Variants in WWOX observed in about 807,000 individuals in gnomAD.
The protein encoded by WWOX is WW domain-containing oxidoreductase.
WWOX carries 69 observed loss-of-function variants against 46.2 expected under a neutral mutation model. The ratio of observed to expected loss-of-function variants is 1.49; its 90% CI spans 1.23 to 1.82. WWOX has a LOEUF of 1.82. WWOX is among the 40% of genes most tolerant of loss of function. The pLI, the probability that WWOX is intolerant of heterozygous loss-of-function variation, is 0.00. For missense variants in WWOX, 919 were observed against 542.6 expected (o/e 1.69, Z -6.89); for synonymous variants, 359 against 202.6 (o/e 1.77, Z -6.56).
intron 5 of WWOX, among the ~76,000 whole-genome samples, chr16:78,173,377 C>G (rs866776594): frequency 1.3e-5 from 2 of 152,100 alleles, no homozygotes; most frequent in Non-Finnish European, 2.9e-5. Context: ...CAACCTTGAC[C>G]TCCTGGGCTC....
rs1003426407 is a variant in WWOX at position 78,226,387 on chromosome 16, T to G, written c.516+62098T>G. ...GTATACTCTGGCAGAAAAACTTTAA[T>G]GATTTTTTTTTTCTGATGCTGCCTA... On this transcript the variant is annotated intron_variant, in intron 5 of 8. Transcript: ENST00000566780. Among the ~76,000 whole-genome samples, 4 of 151,946 alleles carry G rather than the reference T, an allele frequency of 2.6e-5. No homozygotes were observed. The East Asian group carries it at 7.7e-4, about 29-fold the overall frequency.
chr16:78,291,500 C>T (rs1343800356), intron 5 of WWOX, among the ~76,000 whole-genome samples: 3 of 152,190 alleles, frequency 2.0e-5, no homozygotes, highest in African/African-American at 7.2e-5. Context: ...TGCCATTCAG[C>T]AATCCAGGCA....
chr16:78,355,131 C>G (rs1567519748), intron 5 of WWOX, among the ~76,000 whole-genome samples: 3 of 151,576 alleles, frequency 2.0e-5, no homozygotes, highest in African/African-American at 4.9e-5. Context: ...GACTCTGTCT[C>G]AAAAGAAAAG....
intron 8 of WWOX, among the ~76,000 whole-genome samples, chr16:78,583,943 G>A (rs2045129032): frequency 6.6e-6 from 1 of 152,200 alleles, no homozygotes; most frequent in East Asian, 1.9e-4. Flanking sequence ...ATTGCTGAAG[G>A]TCCCCAGCCT....
rs139726251 is a variant in WWOX at position 78,169,972 on chromosome 16, A to G, written c.516+5683A>G. 6.6e-5 allele frequency among the ~76,000 whole-genome samples: 10 copies of G among 152,320 alleles called. No homozygotes were observed. The East Asian group carries it at 1.2e-3, about 18-fold the overall frequency. ...TGTGAAACATCAGCATCTGCTGGACATTGAGATGGCCACAGGTTGGTCAGA... is the reference window on the plus strand; with the variant it reads ...TGTGAAACATCAGCATCTGCTGGACGTTGAGATGGCCACAGGTTGGTCAGA... On this transcript the variant is annotated intron_variant, in intron 5 of 8. Coordinates refer to ENST00000566780, the MANE Select transcript of WWOX (RefSeq NM_016373.4).
In WWOX at chr16:78,238,705, T is replaced by TA. The variant is rs1237841538; in HGVS notation, c.516+74417dup. Among the ~76,000 whole-genome samples, 5 of 151,810 alleles carry TA rather than the reference T, an allele frequency of 3.3e-5. No homozygotes were observed. In the East Asian group the frequency reaches 7.8e-4, roughly 24 times the overall value. ...TGTGATCTTGGCTCGCCATGATCTC[T>TA]ACCTCCCAGGTTCAAGCGATTCTCC... On this transcript the variant is annotated intron_variant, in intron 5 of 8. Coordinates refer to ENST00000566780, the MANE Select transcript of WWOX (RefSeq NM_016373.4).
At chr16:79,176,615 T>A (rs1227232948) in intron 8 of WWOX, among the ~76,000 whole-genome samples, 3 of 152,206 alleles carry the variant, frequency 2.0e-5, no homozygotes, top group Non-Finnish European at 4.4e-5. Context: ...TAAACTGATG[T>A]CTGTGTGTCT....
rs763979011 is a variant in WWOX, at chr16:78,892,293, TAAA to T, written c.1057-319308_1057-319306del. On this transcript the variant is annotated intron_variant, in intron 8 of 8. Coordinates refer to ENST00000566780, the MANE Select transcript of WWOX (RefSeq NM_016373.4). Reference sequence around the variant, plus strand: ...GTACTCGATGAACCACATGCTAAAATAAAAAAAAATGAACCACATGCTAAAATC... The same window carrying T: ...GTACTCGATGAACCACATGCTAAAATAAAAAATGAACCACATGCTAAAATC... 12 of 151,502 alleles carry T rather than the reference TAAA, an allele frequency of 7.9e-5. No homozygotes were observed. In the East Asian group the frequency reaches 2.3e-3, roughly 29 times the overall value. The allele number at this position is 151,502 out of a possible 1,614,324, so 9.4% of individuals were successfully genotyped here.
At chr16:78,821,692 G>C (rs1187388031) in intron 8 of WWOX, among the ~76,000 whole-genome samples, 2 of 152,180 alleles carry the variant, frequency 1.3e-5, no homozygotes, top group African/African-American at 2.4e-5. Flanking sequence ...CAGAGGCTCA[G>C]GGAACTCAGT....
intron 8 of WWOX, among the ~76,000 whole-genome samples, chr16:78,553,585 T>G (rs190778589): frequency 6.6e-6 from 1 of 152,116 alleles, no homozygotes; most frequent in Non-Finnish European, 1.5e-5. Context: ...AAAGAAAGCC[T>G]ACAAGGGAGC....
chr16:78,302,645 A>G, intron 5 of WWOX, among the ~76,000 whole-genome samples: 1 of 152,174 alleles, frequency 6.6e-6, no homozygotes, highest in East Asian at 1.9e-4. Context: ...GCCAGTGCTG[A>G]GTAGAGGGCA....
intron 8 of WWOX, among the ~76,000 whole-genome samples, chr16:78,458,016 G>A (rs1689802789): frequency 6.6e-6 from 1 of 151,296 alleles, no homozygotes; most frequent in Admixed American, 6.6e-5. Context: ...GGCGGAGGTT[G>A]CAGTGAGCCA....
chr16:78,440,073 G>C (rs1176887755), intron 8 of WWOX, among the ~76,000 whole-genome samples: 1 of 152,164 alleles, frequency 6.6e-6, no homozygotes, highest in Non-Finnish European at 1.5e-5. Context: ...CTGGCTTTTT[G>C]AGCCTCTAGA....
chr16:78,798,112 A>G (rs1240051664), intron 8 of WWOX, among the ~76,000 whole-genome samples: 1 of 152,162 alleles, frequency 6.6e-6, no homozygotes, highest in Non-Finnish European at 1.5e-5. Context: ...TAGCTTGCTC[A>G]TGTTATATAG....
At chr16:78,378,916 C>T (rs957086380) in intron 5 of WWOX, among the ~76,000 whole-genome samples, 2 of 152,178 alleles carry the variant, frequency 1.3e-5, no homozygotes, top group Non-Finnish European at 2.9e-5. Context: ...TTCTTCAGAG[C>T]TTCCCGGTGT....
At chr16:78,565,226 C>A (rs892508988) in intron 8 of WWOX, among the ~76,000 whole-genome samples, 8 of 152,186 alleles carry the variant, frequency 5.3e-5, no homozygotes, top group African/African-American at 1.9e-4. Flanking sequence ...TTGTTATAAA[C>A]AAATTACCAA....
chr16:78,587,068 C>T (rs114942854), intron 8 of WWOX, among the ~76,000 whole-genome samples: 2,435 of 152,172 alleles, frequency 0.016, 57 homozygotes, highest in African/African-American at 0.055. Context: ...CCCTGTTGCC[C>T]AGGCTGGAGT....
chr16:78,386,116 T>C (rs9922221), intron 5 of WWOX, among the ~76,000 whole-genome samples: 152,122 of 152,348 alleles, frequency 1, 75,956 homozygotes, highest in Middle Eastern at 1. Context: ...TTGTACTCAA[T>C]TTCCTATCTC....
intron 6 of WWOX, among the ~76,000 whole-genome samples, chr16:78,415,672 C>T (rs774511635): frequency 1.2e-4 from 19 of 152,048 alleles, no homozygotes; most frequent in African/African-American, 3.4e-4. Flanking sequence ...ACGGGGTAGT[C>T]AGTGGTAGGG....
Sources: gnomAD v4.1 joint callset for allele counts (sites outside exome capture counted in the v4.1 genomes callset) on GRCh38, gnomAD v4.1.1 for gene constraint, MANE v1.5 for transcripts, NCBI Gene and HGNC (gene_info 2026-07-23, HGNC 2026-07-21) for gene names.